The following MAST2 variants were observed in gnomAD, a reference collection of about 807,000 sequenced individuals.
MAST2 encodes microtubule-associated serine/threonine-protein kinase 2.
MAST2 carries 70 observed loss-of-function variants against 147.4 expected under a neutral mutation model. The ratio of observed to expected loss-of-function variants is 0.47; its 90% CI spans 0.39 to 0.58. The LOEUF (loss-of-function observed/expected upper bound fraction) is 0.58. Among genes scored for constraint, MAST2 ranks in the 20% least tolerant of loss-of-function variants. MAST2 has a pLI of 0.00. For synonymous variants in MAST2, 869 were observed against 896.8 expected, an observed-to-expected ratio of 0.97 and a Z score of 0.55; for missense variants, 2,080 against 2,302.3, an observed-to-expected ratio of 0.90 and a Z score of 1.98.
At chr1:45,856,787 GTT>G (rs58794977) in intron 3 of MAST2, among the ~76,000 whole-genome samples, 1 of 144,558 alleles carries the variant, frequency 6.9e-6, no homozygotes. Flanking sequence ...CTTTAGATCT[GTT>G]TTTTTTTTTT....
intron 4 of MAST2, among the ~76,000 whole-genome samples, chr1:45,909,258 C>T (rs561759831): frequency 1.3e-5 from 2 of 152,066 alleles, no homozygotes; most frequent in Admixed American, 1.3e-4. Context: ...ATCTTTTTCT[C>T]ACTTTATTAT....
At chr1:45,947,306 TAAAAAAAAAAAAA>T (rs55827908) in intron 4 of MAST2, among the ~76,000 whole-genome samples, 3 of 112,670 alleles carry the variant, frequency 2.7e-5, no homozygotes, top group African/African-American at 1.0e-4. Context: ...TGATGAGCTT[TAAAAAAAAAAAAA>T]AAAAAAAAAA....
intron 1 of MAST2, among the ~76,000 whole-genome samples, chr1:45,812,954 T>C (rs1644347047): frequency 6.6e-6 from 1 of 152,174 alleles, no homozygotes; most frequent in Non-Finnish European, 1.5e-5. Context: ...CCCTCAGGTC[T>C]GTTTGCTGCT....
At chr1:45,813,492 G>T (rs1034973432) in intron 1 of MAST2, among the ~76,000 whole-genome samples, 1 of 138,282 alleles carries the variant, frequency 7.2e-6, no homozygotes, top group Non-Finnish European at 1.5e-5. Flanking sequence ...ACCACGCCTG[G>T]CCAATTTTTT....
intron 16 of MAST2, 122 bp downstream of exon 16, chr1:46,025,937 G>T: frequency 7.8e-7 from 1 of 1,276,802 alleles, no homozygotes; most frequent in Non-Finnish European, 1.1e-6. Context: ...GCTCCTGTGT[G>T]TGTCCATCTG....
rs72893201 is a variant in MAST2, at chr1:45,969,086, G to A, written c.592+9609G>A. ...ATTTATATTATCCATCTGTTCTTGC[G>A]TGTTGTCTACTTTTCCCATTAAAGT... is the stretch of plus-strand genomic sequence containing the variant. On this transcript the variant is annotated intron_variant, in intron 5 of 28. Transcript: ENST00000361297. 5.1e-3 allele frequency among the ~76,000 whole-genome samples: 780 copies of A among 151,940 alleles called. 7 individuals carry two copies. Among genetic ancestry groups the A allele is most frequent in the African/African-American group, 0.018 (733 of 41,430 alleles).
rs148181416 is a variant in MAST2, at chr1:45,897,432, T to C, written c.500+15037T>C. On this transcript the variant is annotated intron_variant, in intron 4 of 28. Transcript: ENST00000361297. ...GAAATCATCTCTGATGTTTCAGCACTTGTAGTTGCAACCCTGGTCCTAGGA... is the reference window on the plus strand; with the variant it reads ...GAAATCATCTCTGATGTTTCAGCACCTGTAGTTGCAACCCTGGTCCTAGGA... 1.6e-3 allele frequency among the ~76,000 whole-genome samples: 237 copies of C among 152,310 alleles called. 2 individuals are homozygous for C. The highest frequency in any genetic ancestry group is 5.5e-3 in the African/African-American group (230 of 41,564).
intron 4 of MAST2, among the ~76,000 whole-genome samples, chr1:45,895,431 C>G (rs1048209206): frequency 1.1e-4 from 17 of 152,062 alleles, no homozygotes; most frequent in Admixed American, 2.6e-4. Flanking sequence ...AAATACAAAA[C>G]AAAACCCAGT....
chr1:45,829,627 A>G (rs779487816), intron 3 of MAST2, 46 bp downstream of exon 3: 15 of 1,563,156 alleles, frequency 9.6e-6, no homozygotes, highest in African/African-American at 1.4e-5. Flanking sequence ...AAAATCCATA[A>G]TTGTCATTTG....
At chr1:46,028,074 A>G (rs866255660) in intron 17 of MAST2, among the ~76,000 whole-genome samples, 1 of 152,194 alleles carries the variant, frequency 6.6e-6, no homozygotes, top group Non-Finnish European at 1.5e-5. Context: ...CCATATGCCT[A>G]CCTTGTAGCT....
chr1:45,810,333 G>T (rs1270957009), intron 1 of MAST2, among the ~76,000 whole-genome samples: 1 of 152,134 alleles, frequency 6.6e-6, no homozygotes, highest in East Asian at 1.9e-4. Flanking sequence ...TCTTTCCTCT[G>T]CATTACAGGG....
chr1:45,937,799 A>G (rs541862325), intron 4 of MAST2, among the ~76,000 whole-genome samples: 5 of 150,972 alleles, frequency 3.3e-5, no homozygotes, highest in South Asian at 2.1e-4. Context: ...ATTGTAAGCA[A>G]TTCAACGTAA....
intron 5 of MAST2, among the ~76,000 whole-genome samples, chr1:45,985,331 T>C (rs1474736369): frequency 6.6e-6 from 1 of 152,036 alleles, no homozygotes; most frequent in African/African-American, 2.4e-5. Context: ...TGACCTCAGG[T>C]GATCCATCCG....
At chr1:46,013,035 G>C (rs1193889077) in intron 10 of MAST2, among the ~76,000 whole-genome samples, 1 of 152,004 alleles carries the variant, frequency 6.6e-6, no homozygotes, top group African/African-American at 2.4e-5. Flanking sequence ...CGTGAAGGCA[G>C]TGGGTATCAT....
chr1:45,929,894 T>C (rs1051599617), intron 4 of MAST2, among the ~76,000 whole-genome samples: 1 of 152,138 alleles, frequency 6.6e-6, no homozygotes, highest in Non-Finnish European at 1.5e-5. Flanking sequence ...TTATTAGATA[T>C]TGTCCAGTTT....
At chr1:45,833,856 GT>G (rs1189755032) in intron 3 of MAST2, among the ~76,000 whole-genome samples, 1 of 148,168 alleles carries the variant, frequency 6.7e-6, no homozygotes, top group Non-Finnish European at 1.5e-5. Context: ...ACTGCTTTTT[GT>G]TTTCTCTTGT....
intron 16 of MAST2, 150 bp downstream of exon 16, chr1:46,025,965 C>T (rs980829499): frequency 3.4e-5 from 30 of 889,140 alleles, no homozygotes; most frequent in Middle Eastern, 2.4e-4. Context: ...TTCTCTAGCC[C>T]CCCGACCACC....
chr1:45,965,492 C>A (rs1661054529), intron 5 of MAST2, among the ~76,000 whole-genome samples: 1 of 152,086 alleles, frequency 6.6e-6, no homozygotes, highest in African/African-American at 2.4e-5. Context: ...CCTTCTTTGT[C>A]TCTCTTGATC....
At chr1:45,850,837 T>C (rs1009106568) in intron 3 of MAST2, among the ~76,000 whole-genome samples, 2 of 39,256 alleles carry the variant, frequency 5.1e-5, no homozygotes, top group African/African-American at 2.0e-4. Context: ...AGTACTATGC[T>C]TTTTTTTTTT....
Sources: allele counts gnomAD v4.1 joint callset (sites outside exome capture counted in the v4.1 genomes callset), GRCh38; gene constraint gnomAD v4.1.1; transcripts MANE v1.5; gene names NCBI Gene and HGNC (gene_info 2026-07-23, HGNC 2026-07-21).